The following KPNA7 variants were observed in gnomAD, a reference collection of about 807,000 sequenced individuals.
The protein encoded by KPNA7 is importin subunit alpha-8.
A neutral mutation model predicts 53.7 loss-of-function variants in KPNA7; 54 were observed. The ratio of observed to expected loss-of-function variants is 1.01; its 90% CI spans 0.81 to 1.26. KPNA7 has a LOEUF of 1.26. KPNA7 is among the 50% of genes most tolerant of loss of function. KPNA7 has a pLI of 0.00. For missense variants in KPNA7, 640 were observed against 644.5 expected (o/e 0.99, Z 0.07); for synonymous variants, 276 against 259.3 (o/e 1.06, Z -0.62).
intron 10 of KPNA7, 30 bp from the exon 11 acceptor site, chr7:99,173,824 TC>T: frequency 7.7e-7 from 1 of 1,302,866 alleles, no homozygotes; most frequent in Non-Finnish European, 1.1e-6. Context: ...CTGTTATACC[TC>T]CAGGATTCTC....
At position 99,173,750 on chromosome 7, in the gene KPNA7, T is replaced by A. The variant is rs1397661012; in HGVS notation, c.1509A>T (p.Gln503His). The A allele has an allele frequency of 8.4e-6, 13 of 1,551,806 alleles. No homozygotes were observed. The highest frequency in any genetic ancestry group is 1.1e-5 in the Non-Finnish European group (13 of 1,146,906). ...SQTLLSQVIDQDYEFIDYECL... is the reference protein window; with the variant it reads ...SQTLLSQVIDHDYEFIDYECL... ...ATTCATAATCTATAAATTCATAATC[T>A]TGGTCTATGACTTGGCTCAGTAAAG... The change falls in exon 11 of 11, where the codon CAA becomes CAT. Residue 503 changes from glutamine to histidine, a missense_variant. By Grantham distance (24) the Gln-to-His change is conservative. Coordinates refer to ENST00000327442, the MANE Select transcript of KPNA7 (RefSeq NM_001145715.3).
the KPNA7 span, among the ~76,000 whole-genome samples, chr7:99,155,722 A>ATT: frequency 1.9e-4 from 26 of 138,874 alleles, no homozygotes; most frequent in African/African-American, 4.5e-4. Flanking sequence ...CACCACACTA[A>ATT]TTTTTTTTTT....
chr7:99,195,441 C>T, intron 4 of KPNA7, 103 bp from the exon 5 acceptor site: 1 of 1,119,710 alleles, frequency 8.9e-7, no homozygotes, highest in Non-Finnish European at 1.3e-6. Context: ...GTAATCTCAG[C>T]ACTTTGGGAG....
chr7:99,149,898 G>A, the KPNA7 span, among the ~76,000 whole-genome samples: 2 of 152,074 alleles, frequency 1.3e-5, no homozygotes, highest in African/African-American at 2.4e-5. Context: ...GGGTTCAAGC[G>A]ATTCTCCTGC....
Position 99,195,039 on chromosome 7 carries a change from T to C in KPNA7, c.553+31A>G, listed in dbSNP as rs114485315. The C allele has an allele frequency of 2.6e-3, 4,040 of 1,546,314 alleles. 83 individuals are homozygous for C. In the African/African-American group the frequency reaches 0.046, roughly 17 times the overall value. ...ATAGTATCCCACACACCTGGCCCCGTTTTCTTAGCCCACTAAGGGGAGAGT... is the reference window on the plus strand; with the variant it reads ...ATAGTATCCCACACACCTGGCCCCGCTTTCTTAGCCCACTAAGGGGAGAGT... On this transcript the variant is annotated intron_variant, in intron 5 of 10. Transcript: ENST00000327442.
intron 3 of KPNA7, among the ~76,000 whole-genome samples, chr7:99,197,952 ATAAT>A (rs1194683688): frequency 1.3e-5 from 2 of 152,218 alleles, no homozygotes; most frequent in Admixed American, 1.3e-4. Flanking sequence ...ATCCAATAGA[ATAAT>A]TAGTCTACAC....
At chr7:99,200,805 A>G (rs13438776) in intron 3 of KPNA7, among the ~76,000 whole-genome samples, 1 of 152,142 alleles carries the variant, frequency 6.6e-6, no homozygotes, top group African/African-American at 2.4e-5. Context: ...GTGAAACCCC[A>G]TCTCTACTAA....
At chr7:99,207,837 C>T (rs1360182212) in intron 1 of KPNA7, among the ~76,000 whole-genome samples, 191 bp downstream of exon 1, 1 of 151,032 alleles carries the variant, frequency 6.6e-6, no homozygotes, top group South Asian at 2.1e-4. Context: ...GGTTTCACCA[C>T]GTTGGCCAGG....
chr7:99,201,177 G>A (rs1790513498), intron 3 of KPNA7, among the ~76,000 whole-genome samples: 1 of 152,144 alleles, frequency 6.6e-6, no homozygotes, highest in South Asian at 2.1e-4. Context: ...GTAGACTAGT[G>A]TTTGCAGAGA....
At chr7:99,165,117 G>T in the KPNA7 span, among the ~76,000 whole-genome samples, 1 of 152,096 alleles carries the variant, frequency 6.6e-6, no homozygotes, top group African/African-American at 2.4e-5. Flanking sequence ...CTCCAGCCTG[G>T]GCGACAGAAC....
chr7:99,208,508 G>T (rs564982245), upstream of KPNA7, among the ~76,000 whole-genome samples: 1 of 151,562 alleles, frequency 6.6e-6, no homozygotes, highest in African/African-American at 2.4e-5. Context: ...CACCCACCTC[G>T]GCCTCCCAAA....
intron 10 of KPNA7, among the ~76,000 whole-genome samples, chr7:99,174,212 C>A (rs1397265062): frequency 2.6e-5 from 4 of 152,178 alleles, no homozygotes; most frequent in Non-Finnish European, 5.9e-5. Context: ...CTATTGTGAA[C>A]TGCGCATGCC....
intron 1 of KPNA7, among the ~76,000 whole-genome samples, chr7:99,213,373 C>T (rs1377099678): frequency 1.3e-5 from 2 of 148,346 alleles, no homozygotes; most frequent in African/African-American, 5.0e-5. Flanking sequence ...CATGATCCAC[C>T]GTCTTGGCCT....
At chr7:99,189,049 C>T (rs745534083) in intron 6 of KPNA7, among the ~76,000 whole-genome samples, 16 of 152,234 alleles carry the variant, frequency 1.1e-4, no homozygotes, top group African/African-American at 3.6e-4. Context: ...GGACACAGAA[C>T]GAGGTTCGTA....
At chr7:99,173,436 AC>A (rs1563061984), downstream of KPNA7, 1 of 232,734 alleles carries the variant, frequency 4.3e-6, no homozygotes, top group Non-Finnish European at 8.3e-6. Context: ...CAGGTGATCC[AC>A]CCACCTTGGC....
the KPNA7 span, among the ~76,000 whole-genome samples, chr7:99,163,383 A>ATTTTTTTTTTT: frequency 2.0e-4 from 8 of 40,804 alleles, 1 homozygote; most frequent in African/African-American, 6.6e-4. Context: ...ATATATATAT[A>ATTTTTTTTTTT]TTTTTTTTTT....
chr7:99,156,650 A>G, the KPNA7 span, among the ~76,000 whole-genome samples: 1 of 151,780 alleles, frequency 6.6e-6, no homozygotes, highest in African/African-American at 2.4e-5. Flanking sequence ...TCAGCCTCCA[A>G]AGTAGCTGGG....
the KPNA7 span, among the ~76,000 whole-genome samples, chr7:99,167,981 T>TCCCCCCACC: frequency 7.3e-6 from 1 of 137,536 alleles, no homozygotes; most frequent in Non-Finnish European, 1.5e-5. Flanking sequence ...CCCAAACCAT[T>TCCCCCCACC]CCCCCACCCC....
the KPNA7 span, among the ~76,000 whole-genome samples, chr7:99,162,836 G>C: frequency 6.6e-6 from 1 of 151,940 alleles, no homozygotes; most frequent in African/African-American, 2.4e-5. Context: ...GGGGAAAAAT[G>C]CTTTAAGATG....
Sources: allele counts gnomAD v4.1 joint callset (sites outside exome capture counted in the v4.1 genomes callset), GRCh38; gene constraint gnomAD v4.1.1; transcripts MANE v1.5; gene names NCBI Gene and HGNC (gene_info 2026-07-23, HGNC 2026-07-21).